IQCJ: variants seen among roughly 807,000 people sequenced by gnomAD.
The protein encoded by IQCJ is IQ motif containing J, also known as IQ domain-containing protein J.
IQCJ carries 9 observed loss-of-function variants against 11.0 expected under a neutral mutation model. The observed-to-expected ratio is 0.82, with a 90% confidence interval of 0.49 to 1.43. The LOEUF (loss-of-function observed/expected upper bound fraction) is 1.43, where lower values mean the gene tolerates loss of function less well. Ranked by LOEUF, IQCJ falls within the 40% of genes most tolerant of loss-of-function variation. The pLI, the probability that IQCJ is intolerant of heterozygous loss-of-function variation, is 0.00. For missense variants in IQCJ, 146 were observed against 133.2 expected (o/e 1.10, Z -0.47); for synonymous variants, 55 against 51.3 (o/e 1.07, Z -0.31).
At chr3:159,158,551 C>A (rs546842895) in intron 1 of IQCJ, among the ~76,000 whole-genome samples, 3 of 152,292 alleles carry the variant, frequency 2.0e-5, no homozygotes, top group African/African-American at 7.2e-5. Flanking sequence ...ACAATGCCAG[C>A]TATATTTGTC....
intron 3 of IQCJ, among the ~76,000 whole-genome samples, chr3:159,258,655 T>C (rs1170588926): frequency 3.3e-5 from 5 of 152,206 alleles, no homozygotes; most frequent in Non-Finnish European, 5.9e-5. Flanking sequence ...CATCCCTAAA[T>C]TCAGCCTACT....
chr3:159,129,188 G>A (rs1302174875), intron 1 of IQCJ, among the ~76,000 whole-genome samples: 1 of 152,058 alleles, frequency 6.6e-6, no homozygotes, highest in African/African-American at 2.4e-5. Context: ...AGGAAACAGA[G>A]GCCCTAAGAG....
At chr3:159,234,364 T>C (rs1477877764) in intron 1 of IQCJ, among the ~76,000 whole-genome samples, 1 of 152,228 alleles carries the variant, frequency 6.6e-6, no homozygotes, top group Non-Finnish European at 1.5e-5. Flanking sequence ...TACTAAAATA[T>C]ATAAAATCAC....
At chr3:159,133,411 G>C (rs993730412) in intron 1 of IQCJ, among the ~76,000 whole-genome samples, 1 of 152,186 alleles carries the variant, frequency 6.6e-6, no homozygotes, top group African/African-American at 2.4e-5. Context: ...AAGTCTGCAT[G>C]ATAACTGCCA....
chr3:159,165,285 A>G lies in IQCJ; in HGVS notation c.10-80558A>G, dbSNP rs542792391. ...GCATGTCCAAATATATACTGTGATG[A>G]TAGCACATATCACAAGGTGTTAAGG... is the stretch of plus-strand genomic sequence containing the variant. On this transcript the variant is annotated intron_variant, in intron 1 of 3. Coordinates refer to ENST00000397832, the MANE Select transcript of IQCJ (RefSeq NM_001042706.3). Among the ~76,000 whole-genome samples, 4 of 152,362 alleles carry G rather than the reference A, an allele frequency of 2.6e-5. No homozygotes were observed. The East Asian group carries it at 7.7e-4, about 29-fold the overall frequency.
chr3:159,264,344 G>A (rs1040949017), downstream of IQCJ, among the ~76,000 whole-genome samples: 10 of 152,202 alleles, frequency 6.6e-5, no homozygotes, highest in African/African-American at 1.4e-4. Context: ...ATAAATGCAT[G>A]TTCTTCCCTG....
At chr3:159,252,456 CT>C (rs1030024470) in intron 2 of IQCJ, among the ~76,000 whole-genome samples, 34 of 152,250 alleles carry the variant, frequency 2.2e-4, no homozygotes, top group African/African-American at 7.5e-4. Flanking sequence ...TGCTCCTTTT[CT>C]TTTCTCTTAA....
intron 2 of IQCJ, among the ~76,000 whole-genome samples, chr3:159,251,648 C>T (rs866473330): frequency 6.6e-6 from 1 of 151,910 alleles, no homozygotes; most frequent in East Asian, 1.9e-4. Flanking sequence ...CCCTACCTTA[C>T]CACATGCACA....
At chr3:159,145,053 C>A (rs1209367272) in intron 1 of IQCJ, among the ~76,000 whole-genome samples, 1 of 152,184 alleles carries the variant, frequency 6.6e-6, no homozygotes, top group East Asian at 1.9e-4. Flanking sequence ...ACCTCTGTTT[C>A]CTTTCATTGG....
intron 1 of IQCJ, among the ~76,000 whole-genome samples, chr3:159,107,763 A>T (rs941252509): frequency 6.6e-6 from 1 of 152,172 alleles, no homozygotes; most frequent in South Asian, 2.1e-4. Flanking sequence ...GGGTTAGCAC[A>T]TTACCAAAAA....
At chr3:159,265,570 G>A, downstream of IQCJ, 1 of 531,844 alleles carries the variant, frequency 1.9e-6, no homozygotes, top group Non-Finnish European at 3.3e-6. Context: ...TCCCTGGGGA[G>A]TTCTTTATGC....
chr3:159,225,426 C>T (rs190677779), intron 1 of IQCJ, among the ~76,000 whole-genome samples: 49 of 152,058 alleles, frequency 3.2e-4, no homozygotes, highest in African/African-American at 1.1e-3. Flanking sequence ...GCAGAGGAGC[C>T]TTATGGTAAT....
At chr3:159,258,446 G>T (rs887547166) in intron 3 of IQCJ, among the ~76,000 whole-genome samples, 1 of 152,062 alleles carries the variant, frequency 6.6e-6, no homozygotes, top group African/African-American at 2.4e-5. Context: ...TGGTGGATCC[G>T]CAAAACCAAT....
chr3:159,182,179 A>G (rs1037569352), intron 1 of IQCJ, among the ~76,000 whole-genome samples: 1 of 151,510 alleles, frequency 6.6e-6, no homozygotes, highest in African/African-American at 2.4e-5. Flanking sequence ...GGCTATTCCT[A>G]CTAATTCTTA....
intron 1 of IQCJ, among the ~76,000 whole-genome samples, chr3:159,168,967 C>CATGATGATG (rs71144474): frequency 0.015 from 2,286 of 149,006 alleles, 24 homozygotes; most frequent in African/African-American, 0.027. Flanking sequence ...ACGATGAAGA[C>CATGATGATG]ATGATGATGA....
intron 3 of IQCJ, 98 bp from the exon 4 acceptor site, chr3:159,262,450 C>T: frequency 1.3e-6 from 2 of 1,511,814 alleles, no homozygotes; most frequent in African/African-American, 1.4e-5. Flanking sequence ...GGCACCAAAG[C>T]CAATTCCTTC....
Position 159,145,533 on chromosome 3 carries a change from C to A in IQCJ, c.9+76092C>A, listed in dbSNP as rs1435463542. On this transcript the variant is annotated intron_variant, in intron 1 of 3. Coordinates refer to ENST00000397832, the MANE Select transcript of IQCJ (RefSeq NM_001042706.3). ...TGAGTTGTAAAAAAATGTTTGTGAC[C>A]AGAAGCATTTTGATTCTTGAAATAG... Among the ~76,000 whole-genome samples, 8 of 150,362 alleles carry A rather than the reference C, an allele frequency of 5.3e-5. 1 individual carries two copies.
intron 1 of IQCJ, among the ~76,000 whole-genome samples, chr3:159,167,805 T>A (rs962400707): frequency 2.6e-5 from 4 of 152,198 alleles, no homozygotes; most frequent in Non-Finnish European, 4.4e-5. Context: ...TTTGTCTATA[T>A]CTAAGGTTGC....
At chr3:159,082,766 G>A (rs532154693) in intron 1 of IQCJ, among the ~76,000 whole-genome samples, 11 of 152,040 alleles carry the variant, frequency 7.2e-5, no homozygotes, top group Non-Finnish European at 1.3e-4. Context: ...ATGATGAGAT[G>A]TGGCTTTAAG....
Sources: allele counts gnomAD v4.1 joint callset (sites outside exome capture counted in the v4.1 genomes callset), GRCh38; gene constraint gnomAD v4.1.1; transcripts MANE v1.5; gene names NCBI Gene and HGNC (gene_info 2026-07-23, HGNC 2026-07-21).